RPS3: variants seen among roughly 807,000 people sequenced by gnomAD.
RPS3 encodes small ribosomal subunit protein uS3.
In RPS3, 2 loss-of-function variants were observed where a neutral mutation model predicts 25.8. The observed-to-expected ratio is 0.08, with a 90% CI of 0.03 to 0.24. RPS3 has a LOEUF of 0.24. Among genes scored for constraint, RPS3 ranks in the 10% least tolerant of loss-of-function variants. RPS3 has a pLI of 1.00. For synonymous variants in RPS3, 114 were observed against 114.2 expected (o/e 1.00, Z 0.01); for missense variants, 107 against 307.1 (o/e 0.35, Z 4.87).
Position 75,399,565 on chromosome 11 carries a change from C to G in RPS3, c.18C>G (p.Ser6=), listed in dbSNP as rs373443936. The change falls in exon 1 of 7, where the codon TCC becomes TCG. Residue 6 remains serine, a synonymous_variant. Coordinates refer to ENST00000531188, the MANE Select transcript of RPS3 (RefSeq NM_001005.5). MAVQI[S]KKRKFVADGI... ...GCGGCAAGATGGCAGTGCAAATATCCAAGAAGAGGAAGGTGAGCCTCTGGG... is the reference window on the plus strand; with the variant it reads ...GCGGCAAGATGGCAGTGCAAATATCGAAGAAGAGGAAGGTGAGCCTCTGGG... 1.2e-6 allele frequency: 2 copies of G among 1,613,860 alleles called. No homozygotes were observed. The highest frequency in any genetic ancestry group is 1.7e-5 in the Admixed American group (1 of 60,010).
At chr11:75,415,188 T>G (rs1198174206) in intron 6 of RPS3, among the ~76,000 whole-genome samples, 1 of 152,214 alleles carries the variant, frequency 6.6e-6, no homozygotes, top group East Asian at 1.9e-4. Context: ...GGGGAGAAGC[T>G]GAGCATTGCA....
In RPS3 at chr11:75,406,753, A is replaced by G. The variant is rs1326656835; in HGVS notation, c.*1143A>G. ...ACCAACTTTGGGTCAAAAATAATCA[A>G]AAAGGATGGTTGTGTGTGTATTGAA... On this transcript the variant is annotated 3_prime_UTR_variant, in exon 7 of 7. Coordinates refer to ENST00000531188, the MANE Select transcript of RPS3 (RefSeq NM_001005.5). The G allele has an allele frequency of 6.6e-6, 1 of 152,170 alleles. No individual in the cohort carries two copies. Among genetic ancestry groups the G allele is most frequent in the Non-Finnish European group, 1.5e-5 (1 of 68,032 alleles). The allele number at this position is 152,170 out of a possible 1,614,324, so 9.4% of individuals were successfully genotyped here.
At chr11:75,421,140 C>A (rs767936805) in intron 6 of RPS3, among the ~76,000 whole-genome samples, 14 of 152,218 alleles carry the variant, frequency 9.2e-5, no homozygotes, top group Non-Finnish European at 1.8e-4. Context: ...CTGCCATTAT[C>A]AGCTGTGTCC....
chr11:75,407,678 G>A (rs544110695), downstream of RPS3, among the ~76,000 whole-genome samples: 2 of 152,004 alleles, frequency 1.3e-5, no homozygotes, highest in Non-Finnish European at 2.9e-5. Context: ...CACCGTGTTA[G>A]CCAGGATGGT....
At chr11:75,402,623 AAGC>A in intron 4 of RPS3, 177 bp downstream of exon 4, 1 of 575,792 alleles carries the variant, frequency 1.7e-6, no homozygotes, top group South Asian at 2.5e-5. Flanking sequence ...AAGACTACTA[AAGC>A]AGCAAGAACT....
downstream of RPS3, among the ~76,000 whole-genome samples, chr11:75,408,575 A>G (rs1175384497): frequency 6.6e-6 from 1 of 152,124 alleles, no homozygotes; most frequent in African/African-American, 2.4e-5. Context: ...AGGAGGCTCA[A>G]GTGGGAGGTT....
At chr11:75,400,018 C>T (rs1948182325) in intron 1 of RPS3, among the ~76,000 whole-genome samples, 1 of 152,208 alleles carries the variant, frequency 6.6e-6, no homozygotes, top group Admixed American at 6.5e-5. Context: ...CGGTTGCTTG[C>T]TCCGTCTGGG....
chr11:75,413,996 TCAC>T (rs992616557), intron 6 of RPS3, among the ~76,000 whole-genome samples: 1 of 152,216 alleles, frequency 6.6e-6, no homozygotes, highest in African/African-American at 2.4e-5. Context: ...TAGGATGTCA[TCAC>T]CAGACTCCCT....
intron 4 of RPS3, 45 bp downstream of exon 4, chr11:75,402,491 A>G (rs1948224704): frequency 6.4e-7 from 1 of 1,557,630 alleles, no homozygotes; most frequent in African/African-American, 1.4e-5. Context: ...TGTGTGTATC[A>G]ACATACATGT....
chr11:75,412,208 C>T (rs1948363282), intron 6 of RPS3, among the ~76,000 whole-genome samples: 1 of 152,196 alleles, frequency 6.6e-6, no homozygotes, highest in African/African-American at 2.4e-5. Flanking sequence ...GTGAAGCCTT[C>T]CCTGATCTGG....
intron 6 of RPS3, among the ~76,000 whole-genome samples, chr11:75,415,849 G>T (rs1045743989): frequency 1.4e-5 from 2 of 146,094 alleles, no homozygotes; most frequent in Non-Finnish European, 3.0e-5. Context: ...GGTGGCACAT[G>T]CCTGTAATCC....
intron 4 of RPS3, 78 bp downstream of exon 4, chr11:75,402,524 A>C: frequency 6.8e-7 from 1 of 1,468,808 alleles, no homozygotes; most frequent in South Asian, 1.2e-5. Context: ...AATTTAGCAG[A>C]TGAACTGTTA....
chr11:75,413,358 G>A (rs541900475), intron 6 of RPS3, among the ~76,000 whole-genome samples: 1 of 152,022 alleles, frequency 6.6e-6, no homozygotes, highest in Non-Finnish European at 1.5e-5. Context: ...CTGGCTTCAC[G>A]CCATTCTCCT....
Position 75,399,631 on chromosome 11 carries a change from C to T in RPS3, c.30+54C>T, listed in dbSNP as rs1190280485. Reference sequence around the variant, plus strand: ...ACGACGGCGCCGCGCGGGTCGAGGGCTTCTCGGGGTGCCACCGCGAGGCCT... The same window carrying T: ...ACGACGGCGCCGCGCGGGTCGAGGGTTTCTCGGGGTGCCACCGCGAGGCCT... On this transcript the variant is annotated intron_variant, in intron 1 of 6. Transcript: ENST00000531188. 2.6e-6 allele frequency: 4 copies of T among 1,547,938 alleles called. No individual in the cohort carries two copies. In the African/African-American group the frequency reaches 4.1e-5, roughly 16 times the overall value.
At chr11:75,400,647 A>G (rs1323952288) in intron 1 of RPS3, 47 bp from the exon 2 acceptor site, 1 of 1,601,932 alleles carries the variant, frequency 6.2e-7, no homozygotes, top group East Asian at 2.3e-5. Flanking sequence ...GGCGAAAGTG[A>G]GCCTACACCG....
In RPS3 at chr11:75,404,203, A is replaced by G. The variant is rs1407557641; in HGVS notation, c.534A>G (p.Arg178=). ...CTGCTGTGCGCCACGTGTTGCTCAG[A>G]CAGGGTGAGCAGCTGAGAGTGCTTG... ...VDTAVRHVLL[R]QGVLGIKVKI... is the part of the protein sequence containing the mutation. Residue 178 remains arginine (R), a synonymous_variant, in exon 5 of 7, where the codon AGA becomes AGG. Transcript: ENST00000531188. The surrounding 1 kb of genome is among the most constrained non-coding windows in gnomAD (Gnocchi z 4.6). The G allele has an allele frequency of 6.2e-7, 1 of 1,613,156 alleles. No homozygotes were observed. Among genetic ancestry groups the G allele is most frequent in the Non-Finnish European group, 8.5e-7 (1 of 1,179,200 alleles).
At chr11:75,420,048 G>A (rs1234997133) in intron 6 of RPS3, among the ~76,000 whole-genome samples, 7 of 152,290 alleles carry the variant, frequency 4.6e-5, no homozygotes, top group South Asian at 2.1e-4. Context: ...GGTATACCAC[G>A]AGTGAAGTCT....
intron 6 of RPS3, among the ~76,000 whole-genome samples, chr11:75,416,458 C>CTTTTTTTTT (rs72030839): frequency 7.9e-6 from 1 of 125,976 alleles, no homozygotes; most frequent in Non-Finnish European, 1.6e-5. Context: ...TTGATTATTT[C>CTTTTTTTTT]TATTTTTTTT....
chr11:75,417,032 A>G (rs1948405496), intron 6 of RPS3, among the ~76,000 whole-genome samples: 1 of 152,216 alleles, frequency 6.6e-6, no homozygotes. Flanking sequence ...TGGTGAGAAG[A>G]TAATTGTTAT....
Sources: allele counts gnomAD v4.1 joint callset (sites outside exome capture counted in the v4.1 genomes callset), GRCh38; gene constraint gnomAD v4.1.1; non-coding constraint Gnocchi (gnomAD v3.1); transcripts MANE v1.5; gene names NCBI Gene and HGNC (gene_info 2026-07-23, HGNC 2026-07-21).